The following AGO3 variants were observed in gnomAD, a reference collection of about 807,000 sequenced individuals.
The protein encoded by AGO3 is argonaute RISC catalytic component 3, also known as protein argonaute-3.
A neutral mutation model predicts 105.5 loss-of-function variants in AGO3; 16 were observed. The observed-to-expected ratio is 0.15, with a 90% CI of 0.10 to 0.23. The LOEUF is 0.23. Among genes scored for constraint, AGO3 ranks in the 10% least tolerant of loss-of-function variants. AGO3 has a pLI of 1.00. For missense variants in AGO3, 534 were observed against 1,088.0 expected (o/e 0.49, Z 7.16); for synonymous variants, 340 against 367.3 (o/e 0.93, Z 0.85).
At chr1:35,984,439 T>C (rs1647123788) in intron 5 of AGO3, 1 of 152,238 alleles carries the variant, frequency 6.6e-6, no homozygotes, top group African/African-American at 2.4e-5. Flanking sequence ...TTAGTCACTA[T>C]TGTGTTTGCT....
intron 5 of AGO3, among the ~76,000 whole-genome samples, chr1:35,987,640 G>T (rs372259319): frequency 6.6e-6 from 1 of 151,774 alleles, no homozygotes; most frequent in African/African-American, 2.4e-5. Flanking sequence ...GAAGAAAAAA[G>T]AGAAATGGAA....
At chr1:36,019,117 A>G (rs1321737723) in intron 11 of AGO3, among the ~76,000 whole-genome samples, 1 of 152,024 alleles carries the variant, frequency 6.6e-6, no homozygotes, top group African/African-American at 2.4e-5. Flanking sequence ...CAGCCTCTGA[A>G]TTCTATATCA....
chr1:36,004,502 T>A, intron 6 of AGO3, 27 bp downstream of exon 6: 1 of 1,552,034 alleles, frequency 6.4e-7, no homozygotes, highest in Non-Finnish European at 8.7e-7. Flanking sequence ...TTAGCACAAC[T>A]TAACTATAAA....
chr1:35,990,335 C>T (rs1280410015), intron 5 of AGO3, among the ~76,000 whole-genome samples: 3 of 152,030 alleles, frequency 2.0e-5, no homozygotes, highest in Non-Finnish European at 4.4e-5. Flanking sequence ...AGTGAAACCC[C>T]GTCTCTACTA....
At chr1:36,045,779 G>A (rs1642443863) in intron 17 of AGO3, among the ~76,000 whole-genome samples, 1 of 152,112 alleles carries the variant, frequency 6.6e-6, no homozygotes, top group African/African-American at 2.4e-5. Flanking sequence ...CTGACCTCCG[G>A]CGATCCACTT....
intron 6 of AGO3, among the ~76,000 whole-genome samples, chr1:36,006,885 G>C (rs992129881): frequency 1.4e-4 from 21 of 152,194 alleles, no homozygotes; most frequent in Non-Finnish European, 2.8e-4. Flanking sequence ...ATATGATTGA[G>C]CTTTGTGTTT....
At position 36,067,445 on chromosome 1, in the gene AGO3, C is replaced by T. The variant is rs1293356656; in HGVS notation, c.*11700C>T. On this transcript the variant is annotated 3_prime_UTR_variant, in exon 19 of 19. Coordinates refer to ENST00000373191, the MANE Select transcript of AGO3 (RefSeq NM_024852.4). ...AAAGAATAGGCCGGGAGCAGTGGCT[C>T]ATGCCTGCAATCCCAGCACTTTGGG... is the stretch of plus-strand genomic sequence containing the variant. 2.0e-5 allele frequency: 3 copies of T among 152,308 alleles called. No homozygotes were observed. Among genetic ancestry groups the T allele is most frequent in the Non-Finnish European group, 4.4e-5 (3 of 68,114 alleles). The allele number at this position is 152,308 out of a possible 1,614,324, so 9.4% of individuals were successfully genotyped here.
intron 5 of AGO3, among the ~76,000 whole-genome samples, chr1:35,995,209 AAT>A (rs748081363): frequency 0.014 from 1,585 of 114,608 alleles, 13 homozygotes; most frequent in East Asian, 0.057. Flanking sequence ...TAAAAAAAAA[AAT>A]ATATATATAT....
chr1:35,971,422 G>A (rs1646868668), intron 3 of AGO3, among the ~76,000 whole-genome samples: 1 of 150,354 alleles, frequency 6.7e-6, no homozygotes, highest in South Asian at 2.1e-4. Context: ...GCCCCCCAAA[G>A]TGCTGGGATT....
intron 2 of AGO3, among the ~76,000 whole-genome samples, chr1:35,951,307 C>G (rs1646466633): frequency 6.6e-6 from 1 of 152,216 alleles, no homozygotes; most frequent in African/African-American, 2.4e-5. Context: ...ATTTTTACTA[C>G]TGTTACTGTT....
chr1:35,957,476 A>C (rs979792320), intron 2 of AGO3, among the ~76,000 whole-genome samples: 3 of 152,124 alleles, frequency 2.0e-5, no homozygotes, highest in Non-Finnish European at 2.9e-5. Context: ...CTGTAATCCC[A>C]GCACTTTGCG....
At chr1:35,998,767 T>C (rs1237055004) in intron 5 of AGO3, among the ~76,000 whole-genome samples, 2 of 152,170 alleles carry the variant, frequency 1.3e-5, no homozygotes, top group South Asian at 2.1e-4. Flanking sequence ...CCTCTATCAA[T>C]CTTTAGCTTT....
intron 5 of AGO3, among the ~76,000 whole-genome samples, chr1:35,988,199 T>C (rs1278434262): frequency 6.6e-6 from 1 of 152,226 alleles, no homozygotes; most frequent in Non-Finnish European, 1.5e-5. Flanking sequence ...TTACATGTAT[T>C]TGAGGTATAC....
intron 2 of AGO3, among the ~76,000 whole-genome samples, chr1:35,946,940 G>A (rs1646376724): frequency 6.6e-6 from 1 of 152,054 alleles, no homozygotes; most frequent in South Asian, 2.1e-4. Context: ...AAAGGTTAAG[G>A]GATTTAGTCA....
chr1:35,974,497 A>C (rs1646922199), intron 5 of AGO3, among the ~76,000 whole-genome samples: 1 of 152,176 alleles, frequency 6.6e-6, no homozygotes, highest in South Asian at 2.1e-4. Context: ...TGAAAATGAA[A>C]GTTAGCTTAG....
At chr1:35,960,644 T>TA (rs909197195) in intron 2 of AGO3, among the ~76,000 whole-genome samples, 8 of 151,824 alleles carry the variant, frequency 5.3e-5, no homozygotes, top group African/African-American at 1.7e-4. Flanking sequence ...CCCATCTCTT[T>TA]AAAAAAAATT....
chr1:36,027,336 T>C lies in AGO3; in HGVS notation c.1591+38T>C. The C allele has an allele frequency of 6.5e-7, 1 of 1,537,382 alleles. No individual in the cohort carries two copies. The highest frequency in any genetic ancestry group is 8.8e-7 in the Non-Finnish European group (1 of 1,134,724). Reference sequence around the variant, plus strand: ...TAAGACTGCATTTTTCCTCAAGTACTTGATGTCCTTTTAGGATTATACTGA... The same window carrying C: ...TAAGACTGCATTTTTCCTCAAGTACCTGATGTCCTTTTAGGATTATACTGA... On this transcript the variant is annotated intron_variant, in intron 12 of 18. Coordinates refer to ENST00000373191, the MANE Select transcript of AGO3 (RefSeq NM_024852.4). The surrounding 1 kb of genome is among the most constrained non-coding windows in gnomAD (Gnocchi z 4.0).
intron 5 of AGO3, among the ~76,000 whole-genome samples, chr1:36,000,710 T>C (rs1221437858): frequency 1.3e-5 from 2 of 151,958 alleles, no homozygotes; most frequent in South Asian, 2.1e-4. Context: ...TTGATATGTA[T>C]CCTGTCAGCC....
intron 17 of AGO3, among the ~76,000 whole-genome samples, chr1:36,045,194 C>T (rs1642412612): frequency 6.6e-6 from 1 of 152,066 alleles, no homozygotes; most frequent in Non-Finnish European, 1.5e-5. Context: ...TTGCTCCCCT[C>T]ACAAAGAAAG....
Sources: allele counts gnomAD v4.1 joint callset (sites outside exome capture counted in the v4.1 genomes callset), GRCh38; gene constraint gnomAD v4.1.1; non-coding constraint Gnocchi (gnomAD v3.1); transcripts MANE v1.5; gene names NCBI Gene and HGNC (gene_info 2026-07-23, HGNC 2026-07-21).